Variants in CRABP2 observed in about 807,000 individuals in gnomAD.
CRABP2 encodes cellular retinoic acid binding protein 2.
Under a neutral mutation model 17.9 loss-of-function variants are expected in CRABP2, and 20 were observed. The ratio of observed to expected loss-of-function variants is 1.12; its 90% CI spans 0.79 to 1.63. The LOEUF (loss-of-function observed/expected upper bound fraction) is 1.63, where lower values mean the gene tolerates loss of function less well. Ranked by LOEUF, CRABP2 falls within the 40% of genes most tolerant of loss-of-function variation. The probability of loss-of-function intolerance (pLI) is 0.00; values close to 1 mark genes in which losing one functional copy is unlikely to be tolerated. For synonymous variants in CRABP2, 76 were observed against 66.4 expected, an observed-to-expected ratio of 1.14 and a Z score of -0.70; for missense variants, 151 against 168.6, an observed-to-expected ratio of 0.90 and a Z score of 0.58.
Position 156,701,097 on chromosome 1 carries a change from A to T in CRABP2, c.71-45T>A, listed in dbSNP as rs116366745. ...GCTCACCTTTTAGGGGCCTTTGGGC[A>T]CCTCTCTCACACCCTCCCCATAAGA... On this transcript the variant is annotated intron_variant, in intron 1 of 3. Coordinates refer to ENST00000368222, the MANE Select transcript of CRABP2 (RefSeq NM_001878.4). The T allele has an allele frequency of 2.3e-3, 3,659 of 1,588,888 alleles. 72 individuals are homozygous for T. The African/African-American group carries it at 0.043, about 19-fold the overall frequency.
At chr1:156,703,394 G>A (rs1648097000) in intron 1 of CRABP2, among the ~76,000 whole-genome samples, 1 of 152,172 alleles carries the variant, frequency 6.6e-6, no homozygotes, top group African/African-American at 2.4e-5. Context: ...AGGAAGACGT[G>A]CAGAGCAGGG....
At chr1:156,702,666 G>A (rs1169257917) in intron 1 of CRABP2, among the ~76,000 whole-genome samples, 1 of 151,422 alleles carries the variant, frequency 6.6e-6, no homozygotes, top group African/African-American at 2.4e-5. Context: ...CAGCTGCTCG[G>A]GAGGCTGAGG....
In CRABP2 at chr1:156,700,074, G is replaced by A. The variant is rs543287946; in HGVS notation, c.369C>T (p.Thr123=). ...ELTNDGELIL[T]MTADDVVCTR... is the part of the protein sequence containing the mutation. Reference sequence around the variant, plus strand: ...TGCACACAACGTCATCCGCCGTCATGGTCTGGAAGGACAGAAGTAGTTGTT... The same window carrying A: ...TGCACACAACGTCATCCGCCGTCATAGTCTGGAAGGACAGAAGTAGTTGTT... Residue 123 remains threonine (T), a splice_region_variant and synonymous_variant, in exon 4 of 4, where the codon ACC becomes ACT. Transcript: ENST00000368222. 2 of 1,613,510 alleles carry A rather than the reference G, an allele frequency of 1.2e-6. No homozygotes were observed. The highest frequency in any genetic ancestry group is 1.3e-5 in the African/African-American group (1 of 75,018).
Position 156,700,620 on chromosome 1 carries a change from A to T in CRABP2, c.288T>A (p.Cys96Ter). Residue 96 changes from cysteine to a stop codon, truncating the protein, a stop_gained, in exon 3 of 4, where the codon TGT becomes TGA. Transcript: ENST00000368222. LOFTEE classifies it high-confidence loss of function. ...CCTCTCCCTTCAGGAGCTTCTGCTC[A>T]CAGACCATTTTATTCTCACTCTCCC... ...VKWESENKMVCEQKLLKGEGP... is the reference protein window; with the variant it reads ...VKWESENKMV 6.2e-7 allele frequency: 1 copy of T among 1,614,176 alleles called. No individual in the cohort carries two copies. Among genetic ancestry groups the T allele is most frequent in the Non-Finnish European group, 8.5e-7 (1 of 1,180,010 alleles).
intron 3 of CRABP2, 84 bp downstream of exon 3, chr1:156,700,458 G>A: frequency 9.2e-7 from 1 of 1,084,776 alleles, no homozygotes; most frequent in Non-Finnish European, 1.4e-6. Flanking sequence ...GGTTGTTCTT[G>A]AGTCTCCTGC....
chr1:156,699,678 G>A lies in CRABP2; in HGVS notation c.*348C>T, dbSNP rs1027829122. On this transcript the variant is annotated 3_prime_UTR_variant, in exon 4 of 4. Coordinates refer to ENST00000368222, the MANE Select transcript of CRABP2 (RefSeq NM_001878.4). Reference sequence around the variant, plus strand: ...AAACTGTATAGGCTACAGGGACAAAGGGTAGAAGCTAGAGGGCCAGTCTTT... The same window carrying A: ...AAACTGTATAGGCTACAGGGACAAAAGGTAGAAGCTAGAGGGCCAGTCTTT... The A allele has an allele frequency of 1.1e-5, 3 of 284,990 alleles. No homozygotes were observed. The highest frequency in any genetic ancestry group is 4.7e-5 in the Admixed American group (1 of 21,266). 17.7% of individuals were successfully genotyped at this position (284,990 alleles called of 1,614,324 possible).
At chr1:156,700,434 C>A (rs571240120) in intron 3 of CRABP2, 108 bp downstream of exon 3, 9 of 845,100 alleles carry the variant, frequency 1.1e-5, no homozygotes, top group Non-Finnish European at 1.8e-5. Flanking sequence ...CAGCAGGGTG[C>A]GGAGTCCAGC....
At chr1:156,702,933 A>G (rs1316595162) in intron 1 of CRABP2, among the ~76,000 whole-genome samples, 1 of 151,174 alleles carries the variant, frequency 6.6e-6, no homozygotes, top group Non-Finnish European at 1.5e-5. Context: ...GCCATGGCTC[A>G]TGCCTGTAAT....
chr1:156,701,043 A>C lies in CRABP2; in HGVS notation c.80T>G (p.Val27Gly). The C allele has an allele frequency of 6.2e-7, 1 of 1,613,996 alleles. No homozygotes were observed. The highest frequency in any genetic ancestry group is 8.5e-7 in the Non-Finnish European group (1 of 1,179,956). Reference protein sequence around the residue: ...EELLKVLGVNVMLRKIAVAAA... With the variant: ...EELLKVLGVNGMLRKIAVAAA... ...AGCCACAGCAATCTTCCTCAGCATCACATTCACCCCTGTGGGGAGAGAGGA... is the reference window on the plus strand; with the variant it reads ...AGCCACAGCAATCTTCCTCAGCATCCCATTCACCCCTGTGGGGAGAGAGGA... The change falls in exon 2 of 4, where the codon GTG becomes GGG. Residue 27 changes from valine to glycine, a missense_variant. Transcript: ENST00000368222.
intron 1 of CRABP2, among the ~76,000 whole-genome samples, chr1:156,703,784 G>A (rs1322533347): frequency 6.6e-6 from 1 of 152,210 alleles, no homozygotes; most frequent in Non-Finnish European, 1.5e-5. Flanking sequence ...AGAGCTAAGA[G>A]GGGTGTGCCA....
rs570044137 is a variant in CRABP2, at chr1:156,704,004, T to C, written c.70+1373A>G. Among the ~76,000 whole-genome samples the C allele has an allele frequency of 9.2e-5, 14 of 152,248 alleles. No homozygotes were observed. The East Asian group carries it at 2.7e-3, about 29-fold the overall frequency. ...GACCCTGCAGGGAGGACAAACAGACTGAAGACAGACAGCAGGATTGGGGCC... is the reference window on the plus strand; with the variant it reads ...GACCCTGCAGGGAGGACAAACAGACCGAAGACAGACAGCAGGATTGGGGCC... On this transcript the variant is annotated intron_variant, in intron 1 of 3. Coordinates refer to ENST00000368222, the MANE Select transcript of CRABP2 (RefSeq NM_001878.4).
At position 156,705,495 on chromosome 1, in the gene CRABP2, G is replaced by T; in HGVS notation, c.-49C>A. 6.3e-7 allele frequency: 1 copy of T among 1,594,700 alleles called. No individual in the cohort carries two copies. Among genetic ancestry groups the T allele is most frequent in the Non-Finnish European group, 8.6e-7 (1 of 1,163,434 alleles). ...CCGTAGACTCCTAGGCTGGAGCACT[G>T]GACACTGTCTTTTAGTCAAAAGAGA... On this transcript the variant is annotated 5_prime_UTR_variant, in exon 1 of 4. Coordinates refer to ENST00000368222, the MANE Select transcript of CRABP2 (RefSeq NM_001878.4). The surrounding 1 kb of genome is among the most constrained non-coding windows in gnomAD (Gnocchi z 5.2).
rs1301175175 is a variant in CRABP2, at chr1:156,705,314, C to A, written c.70+63G>T. The stretch of plus-strand genomic sequence containing the variant: ...ATTGTGGTCCCGCTGTCTTTCTCAT[C>A]CCCAACTTCGAGGACTCCAGAGCCC... On this transcript the variant is annotated intron_variant, in intron 1 of 3. Coordinates refer to ENST00000368222, the MANE Select transcript of CRABP2 (RefSeq NM_001878.4). The surrounding 1 kb of genome is among the most constrained non-coding windows in gnomAD (Gnocchi z 5.2). The A allele has an allele frequency of 2.6e-6, 4 of 1,560,678 alleles. No homozygotes were observed. Among genetic ancestry groups the A allele is most frequent in the Non-Finnish European group, 3.5e-6 (4 of 1,131,574 alleles).
upstream of CRABP2, chr1:156,705,770 C>A (rs116587898): frequency 0.018 from 5,343 of 303,448 alleles, 250 homozygotes; most frequent in African/African-American, 0.1. The surrounding 1 kb of genome is among the most constrained non-coding windows in gnomAD (Gnocchi z 5.2). Context: ...CCTTCTCCTG[C>A]GCTAGTAAGT....
intron 1 of CRABP2, among the ~76,000 whole-genome samples, chr1:156,702,797 A>C (rs1468837507): frequency 2.0e-5 from 3 of 148,878 alleles, no homozygotes; most frequent in African/African-American, 7.4e-5. Context: ...AAAAAAAGCC[A>C]ATTGGGATGG....
intron 1 of CRABP2, among the ~76,000 whole-genome samples, chr1:156,704,391 G>A (rs1405639215): frequency 2.0e-5 from 3 of 152,140 alleles, no homozygotes; most frequent in African/African-American, 7.2e-5. Context: ...TCTCTGTTGA[G>A]TGCAGGAATT....
At position 156,700,947 on chromosome 1, in the gene CRABP2, A is replaced by T. The variant is rs1478080030; in HGVS notation, c.176T>A (p.Val59Glu). The change falls in exon 2 of 4, where the codon GTG (valine) becomes GAG (glutamate). Residue 59 changes from valine to glutamate, a missense_variant. By Grantham distance (121) the Val-to-Glu change is moderately radical (BLOSUM62 -2). Transcript: ENST00000368222. ...CTTGAAGTTAATCTCTGTGGTGCGC[A>T]CGGTGGTGGAGGTTTTGATGTAGAA... ...DTFYIKTSTT[V>E]RTTEINFKVG... is the part of the protein sequence containing the mutation. The T allele has an allele frequency of 6.2e-7, 1 of 1,614,190 alleles. No individual in the cohort carries two copies. The highest frequency in any genetic ancestry group is 8.5e-7 in the Non-Finnish European group (1 of 1,180,020).
intron 1 of CRABP2, among the ~76,000 whole-genome samples, chr1:156,703,027 C>A (rs962608631): frequency 2.8e-5 from 3 of 108,880 alleles, no homozygotes; most frequent in African/African-American, 1.1e-4. Flanking sequence ...TGAGACCCTA[C>A]CACTAAAAAA....
intron 1 of CRABP2, among the ~76,000 whole-genome samples, chr1:156,704,200 A>G (rs1487273251): frequency 6.6e-6 from 1 of 152,214 alleles, no homozygotes; most frequent in Non-Finnish European, 1.5e-5. Flanking sequence ...AGAAAGACTG[A>G]TATGACTCCA....
Sources: allele counts gnomAD v4.1 joint callset (sites outside exome capture counted in the v4.1 genomes callset), GRCh38; gene constraint gnomAD v4.1.1; non-coding constraint Gnocchi (gnomAD v3.1); transcripts MANE v1.5; gene names NCBI Gene and HGNC (gene_info 2026-07-23, HGNC 2026-07-21).